The following ZNF491 variants were observed in gnomAD, a reference collection of about 807,000 sequenced individuals.
The protein encoded by ZNF491 is zinc finger protein 491.
A neutral mutation model predicts 34.7 loss-of-function variants in ZNF491; 22 were observed. The ratio of observed to expected loss-of-function variants is 0.63; its 90% CI spans 0.45 to 0.90. The LOEUF (loss-of-function observed/expected upper bound fraction) is 0.90. Among genes scored for constraint, ZNF491 ranks in the 40% least tolerant of loss-of-function variants. ZNF491 has a pLI of 0.00. For synonymous variants in ZNF491, 148 were observed against 174.3 expected (o/e 0.85, Z 1.19); for missense variants, 559 against 531.7 (o/e 1.05, Z -0.51).
chr19:11,805,201 G>A (rs1316938591), intron 2 of ZNF491, among the ~76,000 whole-genome samples: 2 of 151,282 alleles, frequency 1.3e-5, no homozygotes. Context: ...CCTGAGGTCG[G>A]GAGTTCAAGA....
chr19:11,806,583 A>G lies in ZNF491; in HGVS notation c.630A>G (p.Thr210=), dbSNP rs1442869300. The part of the protein sequence containing the change: ...SSFRRHERTH[T]GEKPYKCKEC... ...TTCGCAGACATGAAAGGACACACAC[A>G]GGAGAGAAGCCGTACAAATGTAAGG... is the stretch of plus-strand genomic sequence containing the variant. The change falls in exon 3 of 3, where the codon ACA becomes ACG. Residue 210 remains threonine, a synonymous_variant. Transcript: ENST00000323169. 1.2e-6 allele frequency: 2 copies of G among 1,613,950 alleles called. No individual in the cohort carries two copies. Among genetic ancestry groups the G allele is most frequent in the East Asian group, 4.5e-5 (2 of 44,868 alleles).
rs765776895 is a variant in ZNF491, at chr19:11,806,485, G to A, written c.532G>A (p.Glu178Lys). Residue 178 changes from glutamate to lysine, a missense_variant, in exon 3 of 3, where the codon GAA (glutamate) becomes AAA (lysine). Transcript: ENST00000323169. ...FSWHSSVRIH[E>K]RTHTGEKPYE... is the part of the protein sequence containing the mutation. ...TTGGCACAGTTCTGTTCGAATCCATGAAAGAACTCACACTGGGGAGAAGCC... is the reference window on the plus strand; with the variant it reads ...TTGGCACAGTTCTGTTCGAATCCATAAAAGAACTCACACTGGGGAGAAGCC... 1.2e-6 allele frequency: 2 copies of A among 1,613,942 alleles called. No individual in the cohort carries two copies. Among genetic ancestry groups the A allele is most frequent in the South Asian group, 2.2e-5 (2 of 91,044 alleles).
At chr19:11,802,031 C>G (rs1375372336) in intron 1 of ZNF491, among the ~76,000 whole-genome samples, 1 of 152,102 alleles carries the variant, frequency 6.6e-6, no homozygotes, top group Non-Finnish European at 1.5e-5. Flanking sequence ...GTTGCCTAGG[C>G]TGGTCTCAAA....
Position 11,808,071 on chromosome 19 carries a change from T to G in ZNF491, c.*804T>G, listed in dbSNP as rs1325178790. The G allele has an allele frequency of 6.0e-6, 1 of 167,056 alleles. No individual in the cohort carries two copies. Among genetic ancestry groups the G allele is most frequent in the African/African-American group, 2.4e-5 (1 of 41,454 alleles). 10.3% of individuals were successfully genotyped at this position (167,056 alleles called of 1,614,324 possible). A position where few individuals can be genotyped will look rare whatever the true frequency, so the allele number is the denominator to read the frequency against. On this transcript the variant is annotated 3_prime_UTR_variant, in exon 3 of 3. Coordinates refer to ENST00000323169, the MANE Select transcript of ZNF491 (RefSeq NM_152356.4). ...GTGTATTTTTGAGGGAGCAAAGATT[T>G]CTGTACATATTTCTTAAAAATAGTT...
chr19:11,806,197 A>C lies in ZNF491; in HGVS notation c.244A>C (p.Lys82Gln). ...EKPYKHKQRRKALSHSHCFRT... is the reference protein window; with the variant it reads ...EKPYKHKQRRQALSHSHCFRT... Reference sequence around the variant, plus strand: ...GCCATATAAACATAAACAACGTAGGAAAGCCTTGAGCCATAGCCACTGCTT... The same window carrying C: ...GCCATATAAACATAAACAACGTAGGCAAGCCTTGAGCCATAGCCACTGCTT... Residue 82 changes from lysine to glutamine, a missense_variant, in exon 3 of 3, where the codon AAA (lysine) becomes CAA (glutamine). Physicochemically the swap from Lys to Gln is moderately conservative, Grantham distance 53. Transcript: ENST00000323169. 1 of 1,614,122 alleles carries C rather than the reference A, an allele frequency of 6.2e-7. No homozygotes were observed. Among genetic ancestry groups the C allele is most frequent in the Non-Finnish European group, 8.5e-7 (1 of 1,180,034 alleles).
intron 1 of ZNF491, among the ~76,000 whole-genome samples, chr19:11,801,340 A>G (rs947226042): frequency 6.6e-6 from 1 of 152,046 alleles, no homozygotes; most frequent in Non-Finnish European, 1.5e-5. Context: ...CCATTTGTGT[A>G]TGTCTGGGAG....
Position 11,806,561 on chromosome 19 carries a change from G to T in ZNF491, c.608G>T (p.Arg203Leu). 1 of 1,613,912 alleles carries T rather than the reference G, an allele frequency of 6.2e-7. No homozygotes were observed. The change falls in exon 3 of 3, where the codon CGC becomes CTC. Residue 203 changes from arginine to leucine, a missense_variant. Physicochemically the swap from Arg to Leu is moderately radical, Grantham distance 102. Coordinates refer to ENST00000323169, the MANE Select transcript of ZNF491 (RefSeq NM_152356.4). Reference sequence around the variant, plus strand: ...TCATTCAATTTTTCCAGTTCCTTTCGCAGACATGAAAGGACACACACAGGA... The same window carrying T: ...TCATTCAATTTTTCCAGTTCCTTTCTCAGACATGAAAGGACACACACAGGA... ...GKSFNFSSSF[R>L]RHERTHTGEK... is the part of the protein sequence containing the mutation.
Position 11,806,676 on chromosome 19 carries a change from A to G in ZNF491, c.723A>G (p.Lys241=). Residue 241 remains lysine, a synonymous_variant, in exon 3 of 3, where the codon AAA becomes AAG. Coordinates refer to ENST00000323169, the MANE Select transcript of ZNF491 (RefSeq NM_152356.4). ...HRHERTHTGE[K]PYECKLYGKA... Reference sequence around the variant, plus strand: ...ATGAAAGGACTCACACAGGAGAAAAACCCTATGAATGTAAACTATATGGGA... The same window carrying G: ...ATGAAAGGACTCACACAGGAGAAAAGCCCTATGAATGTAAACTATATGGGA... 7 of 1,613,036 alleles carry G rather than the reference A, an allele frequency of 4.3e-6. No individual in the cohort carries two copies. The highest frequency in any genetic ancestry group is 1.7e-4 in the Middle Eastern group (1 of 6,056).
At chr19:11,805,806 C>G in intron 2 of ZNF491, 141 bp from the exon 3 acceptor site, 1 of 681,296 alleles carries the variant, frequency 1.5e-6, no homozygotes, top group East Asian at 2.9e-5. Context: ...ATGATCACAC[C>G]ACTGCACTCC....
At position 11,808,094 on chromosome 19, in the gene ZNF491, G is replaced by T; in HGVS notation, c.*827G>T. 1 of 166,626 alleles carries T rather than the reference G, an allele frequency of 6.0e-6. No homozygotes were observed. 10.3% of individuals were successfully genotyped at this position (166,626 alleles called of 1,614,324 possible). A position where few individuals can be genotyped will look rare whatever the true frequency, so the allele number is the denominator to read the frequency against. ...TTTCTGTACATATTTCTTAAAAATA[G>T]TTTATTCAGCTGGGTGCAGTGGCTC... On this transcript the variant is annotated 3_prime_UTR_variant, in exon 3 of 3. Coordinates refer to ENST00000323169, the MANE Select transcript of ZNF491 (RefSeq NM_152356.4).
intron 1 of ZNF491, among the ~76,000 whole-genome samples, chr19:11,800,705 G>A (rs755359239): frequency 6.6e-6 from 1 of 151,962 alleles, no homozygotes; most frequent in Non-Finnish European, 1.5e-5. Context: ...ATTTTTAGTA[G>A]AGACACGGGA....
In ZNF491 at chr19:11,804,680, A is replaced by G; in HGVS notation, c.-8+13A>G. On this transcript the variant is annotated intron_variant, in intron 2 of 2. Transcript: ENST00000323169. ...CTCATCTGTATAGGTAGGGGTGACA[A>G]TATTACCTCCCTCAGTGAATTGTAG... The G allele has an allele frequency of 8.2e-7, 1 of 1,220,594 alleles. No homozygotes were observed. The highest frequency in any genetic ancestry group is 1.1e-6 in the Non-Finnish European group (1 of 932,478). 75.6% of individuals were successfully genotyped at this position (1,220,594 alleles called of 1,614,324 possible).
At chr19:11,805,607 G>C (rs548790139) in intron 2 of ZNF491, among the ~76,000 whole-genome samples, 11 of 152,086 alleles carry the variant, frequency 7.2e-5, no homozygotes, top group Non-Finnish European at 1.0e-4. Context: ...CAGCACTTTG[G>C]GAGACCAAGG....
chr19:11,804,478 A>C, intron 1 of ZNF491, 64 bp from the exon 2 acceptor site: 1 of 1,441,736 alleles, frequency 6.9e-7, no homozygotes, highest in Non-Finnish European at 9.1e-7. Flanking sequence ...TCTTGGGAAT[A>C]GAGTCTAGGC....
At chr19:11,801,199 AAG>A (rs1052134435) in intron 1 of ZNF491, among the ~76,000 whole-genome samples, 2 of 152,152 alleles carry the variant, frequency 1.3e-5, no homozygotes, top group African/African-American at 4.8e-5. Context: ...AAATTTTAAA[AAG>A]AAAAAAATTA....
At chr19:11,802,226 T>C (rs1486852276) in intron 1 of ZNF491, among the ~76,000 whole-genome samples, 1 of 152,238 alleles carries the variant, frequency 6.6e-6, no homozygotes, top group African/African-American at 2.4e-5. Context: ...ATTTTGTTTT[T>C]AATTTTTGAG....
At chr19:11,803,478 T>C (rs1975576909) in intron 1 of ZNF491, among the ~76,000 whole-genome samples, 1 of 152,184 alleles carries the variant, frequency 6.6e-6, no homozygotes, top group Non-Finnish European at 1.5e-5. Flanking sequence ...TTTCCACTAA[T>C]ATCCTTTTTC....
intron 1 of ZNF491, among the ~76,000 whole-genome samples, chr19:11,802,272 T>A (rs139185576): frequency 5.8e-4 from 89 of 152,376 alleles, no homozygotes; most frequent in Non-Finnish European, 1.1e-3. Flanking sequence ...TAAGCCATTT[T>A]ACAATCCCTT....
Position 11,806,200 on chromosome 19 carries a change from G to A in ZNF491, c.247G>A (p.Ala83Thr). Reference sequence around the variant, plus strand: ...ATATAAACATAAACAACGTAGGAAAGCCTTGAGCCATAGCCACTGCTTTCG... The same window carrying A: ...ATATAAACATAAACAACGTAGGAAAACCTTGAGCCATAGCCACTGCTTTCG... ...KPYKHKQRRKALSHSHCFRTH... is the reference protein window; with the variant it reads ...KPYKHKQRRKTLSHSHCFRTH... Residue 83 changes from alanine to threonine, a missense_variant, in exon 3 of 3, where the codon GCC becomes ACC. Ala to Thr is a moderately conservative substitution (Grantham distance 58). Coordinates refer to ENST00000323169, the MANE Select transcript of ZNF491 (RefSeq NM_152356.4). 6.2e-7 allele frequency: 1 copy of A among 1,614,028 alleles called. No homozygotes were observed.
Sources: allele counts gnomAD v4.1 joint callset (sites outside exome capture counted in the v4.1 genomes callset), GRCh38; gene constraint gnomAD v4.1.1; transcripts MANE v1.5; gene names NCBI Gene and HGNC (gene_info 2026-07-23, HGNC 2026-07-21).